The following SYNE2 variants were observed in gnomAD, a reference collection of about 807,000 sequenced individuals.
SYNE2 encodes the protein nesprin-2.
Under a neutral mutation model 856.3 loss-of-function variants are expected in SYNE2, and 431 were observed. The observed-to-expected ratio is 0.50, with a 90% confidence interval of 0.47 to 0.55. The LOEUF (loss-of-function observed/expected upper bound fraction) is 0.55, where lower values mean the gene tolerates loss of function less well. Among genes scored for constraint, SYNE2 ranks in the 20% least tolerant of loss-of-function variants. The pLI is 0.00. For synonymous variants in SYNE2, 2,923 were observed against 2,872.3 expected (o/e 1.02, Z -0.56); for missense variants, 8,129 against 8,023.2 (o/e 1.01, Z -0.50).
At chr14:64,156,893 C>A (rs1300209579) in intron 85 of SYNE2, among the ~76,000 whole-genome samples, 1 of 152,184 alleles carries the variant, frequency 6.6e-6, no homozygotes, top group African/African-American at 2.4e-5. Flanking sequence ...TTTATCCAGC[C>A]CTGTTTGGGG....
intron 18 of SYNE2, among the ~76,000 whole-genome samples, chr14:63,985,697 G>A (rs1446973068): frequency 1.3e-5 from 2 of 152,116 alleles, no homozygotes; most frequent in Admixed American, 6.5e-5. Context: ...TTAAAAATTT[G>A]CAAAGTGATA....
At position 64,029,709 on chromosome 14, in the gene SYNE2, C is replaced by G. The variant is rs6573542; in HGVS notation, c.6715-186C>G. ...GTTTTCAATAAGAGTCATTTTTTTG[C>G]GGGGGAGATGGAGACTTTGCAGTGA... On this transcript the variant is annotated intron_variant, in intron 43 of 115. Coordinates refer to ENST00000555002, the MANE Select transcript of SYNE2 (RefSeq NM_182914.3). 0.89 allele frequency among the ~76,000 whole-genome samples: 135,688 copies of G among 152,218 alleles called. 60,599 individuals carry two copies. Among genetic ancestry groups the G allele is most frequent in the Non-Finnish European group, 0.93 (62,978 of 68,024 alleles).
chr14:63,817,938 T>A (rs1441575692), intron 1 of SYNE2, among the ~76,000 whole-genome samples: 1 of 137,496 alleles, frequency 7.3e-6, no homozygotes, highest in Non-Finnish European at 1.5e-5. Context: ...GGTGGGAGGA[T>A]CACTAGAGCC....
In SYNE2 at chr14:64,145,714, C is replaced by T. The variant is rs2098178904; in HGVS notation, c.15484-354C>T. Among the ~76,000 whole-genome samples, 3 of 152,100 alleles carry T rather than the reference C, an allele frequency of 2.0e-5. No individual in the cohort carries two copies. In the East Asian group the frequency reaches 5.8e-4, roughly 29 times the overall value. ...GTAGAAATTTTAAGCAACTCTAATG[C>T]AGAAAGTCTGAGGAAAGAAATTTTT... On this transcript the variant is annotated intron_variant, in intron 83 of 115. Coordinates refer to ENST00000555002, the MANE Select transcript of SYNE2 (RefSeq NM_182914.3).
At chr14:64,164,087 C>CTTATTTATTTATTTATTTATTTAT (rs59794233) in intron 89 of SYNE2, among the ~76,000 whole-genome samples, 1 of 137,746 alleles carries the variant, frequency 7.3e-6, no homozygotes, top group Non-Finnish European at 1.5e-5. Context: ...GCCTGGCTTG[C>CTTATTTATTTATTTATTTATTTAT]TTATTTATTT....
intron 62 of SYNE2, chr14:64,098,542 A>T: frequency 1.6e-6 from 1 of 625,920 alleles, no homozygotes; most frequent in East Asian, 2.8e-5. Flanking sequence ...ACAGGGGGCC[A>T]TGAAAATAAC....
intron 88 of SYNE2, 79 bp downstream of exon 88, chr14:64,162,355 C>G (rs1248996688): frequency 1.4e-6 from 2 of 1,404,930 alleles, no homozygotes; most frequent in African/African-American, 2.8e-5. Context: ...GACCTGGGGA[C>G]CAGACAGACC....
chr14:64,133,343 G>T (rs566361775), intron 77 of SYNE2, among the ~76,000 whole-genome samples: 1 of 152,174 alleles, frequency 6.6e-6, no homozygotes, highest in African/African-American at 2.4e-5. Context: ...TTTTAAAAAA[G>T]ACTCCATGGA....
intron 87 of SYNE2, 99 bp downstream of exon 87, chr14:64,159,541 G>A: frequency 1.5e-6 from 2 of 1,373,354 alleles, no homozygotes; most frequent in Non-Finnish European, 2.0e-6. Flanking sequence ...TTCCTCCTCT[G>A]AGATGACTGG....
intron 1 of SYNE2, among the ~76,000 whole-genome samples, chr14:63,817,303 A>C (rs371166647): frequency 3.3e-5 from 5 of 151,942 alleles, no homozygotes; most frequent in African/African-American, 7.3e-5. Context: ...TCTACAAAAA[A>C]ACACACACAC....
chr14:64,030,353 T>A (rs1030007332), intron 44 of SYNE2, among the ~76,000 whole-genome samples: 5 of 152,214 alleles, frequency 3.3e-5, no homozygotes, highest in Admixed American at 2.0e-4. Flanking sequence ...AAATCTATCC[T>A]AGTACTTGGC....
intron 1 of SYNE2, among the ~76,000 whole-genome samples, chr14:63,861,047 T>G (rs34486661): frequency 0.57 from 87,221 of 151,982 alleles, 25,476 homozygotes; most frequent in South Asian, 0.69. Flanking sequence ...TGCTCCAGAC[T>G]GTGAACCATG....
chr14:64,141,150 A>G (rs1212098785), intron 80 of SYNE2, among the ~76,000 whole-genome samples, 191 bp from the exon 81 acceptor site: 1 of 152,130 alleles, frequency 6.6e-6, no homozygotes, highest in Non-Finnish European at 1.5e-5. Flanking sequence ...CTTGAGGGGT[A>G]TGCATTCCAT....
At chr14:63,821,628 C>T (rs1393225295) in intron 1 of SYNE2, among the ~76,000 whole-genome samples, 1 of 151,716 alleles carries the variant, frequency 6.6e-6, no homozygotes, top group Non-Finnish European at 1.5e-5. Context: ...GCAGTGCACG[C>T]CTGTAGTCCA....
In SYNE2 at chr14:64,003,273, A is replaced by G; in HGVS notation, c.4340A>G (p.Gln1447Arg). The stretch of plus-strand genomic sequence containing the variant: ...CTCCTTAAAAATATTCAAGATGTGC[A>G]GAGTCAAATCAGTAAAATTGGTCTT... ...NELLKNIQDV[Q>R]SQISKIGLKD... Residue 1447 changes from glutamine (Q) to arginine (R), a missense_variant, in exon 30 of 116, where the codon CAG (glutamine) becomes CGG (arginine). Transcript: ENST00000555002. 6.2e-7 allele frequency: 1 copy of G among 1,614,116 alleles called. No individual in the cohort carries two copies. The highest frequency in any genetic ancestry group is 1.7e-5 in the Admixed American group (1 of 60,024).
intron 57 of SYNE2, among the ~76,000 whole-genome samples, chr14:64,085,347 G>C (rs1407793741): frequency 6.6e-6 from 1 of 152,128 alleles, no homozygotes; most frequent in Non-Finnish European, 1.5e-5. Context: ...CATTTTATTA[G>C]AATTAAATTA....
Position 64,162,247 on chromosome 14 carries a change from A to G in SYNE2, c.16270A>G (p.Ile5424Val). ...CATGTCTGGAAACAACCTGGCAGAG[A>G]TCCTGCCCCCAGCCCTGCAGGACAT... Reference protein sequence around the residue: ...ISMSGNNLAEILPPALQDIKE... With the variant: ...ISMSGNNLAEVLPPALQDIKE... Residue 5424 changes from isoleucine to valine, a missense_variant, in exon 88 of 116, where the codon ATC becomes GTC. Ile to Val is a conservative substitution (Grantham distance 29). Transcript: ENST00000555002. 2 of 1,614,180 alleles carry G rather than the reference A, an allele frequency of 1.2e-6. No individual in the cohort carries two copies. Among genetic ancestry groups the G allele is most frequent in the Non-Finnish European group, 1.7e-6 (2 of 1,180,004 alleles).
chr14:64,064,969 A>G (rs2097347294), intron 50 of SYNE2, among the ~76,000 whole-genome samples: 1 of 151,140 alleles, frequency 6.6e-6, no homozygotes, highest in African/African-American at 2.4e-5. Flanking sequence ...GGTTCAGTCA[A>G]TTCTCCTGCT....
intron 1 of SYNE2, among the ~76,000 whole-genome samples, chr14:63,780,867 T>C (rs889903068): frequency 1.3e-5 from 2 of 152,150 alleles, no homozygotes; most frequent in Non-Finnish European, 2.9e-5. Context: ...ACAGAGTTTG[T>C]GGATGGCATT....
Sources: gnomAD v4.1 joint callset for allele counts (sites outside exome capture counted in the v4.1 genomes callset) on GRCh38, gnomAD v4.1.1 for gene constraint, MANE v1.5 for transcripts, NCBI Gene and HGNC (gene_info 2026-07-23, HGNC 2026-07-21) for gene names.